Variants in CDH2 observed in about 807,000 individuals in gnomAD.
CDH2 encodes the protein cadherin-2.
Under a neutral mutation model 92.0 loss-of-function variants are expected in CDH2, and 17 were observed. The observed-to-expected ratio is 0.18, with a 90% confidence interval of 0.13 to 0.28. The LOEUF (loss-of-function observed/expected upper bound fraction) is 0.28. CDH2 is among the 10% of genes least tolerant of loss of function. The pLI is 1.00. For missense variants in CDH2, 862 were observed against 1,133.1 expected, an observed-to-expected ratio of 0.76 and a Z score of 3.44; for synonymous variants, 419 against 415.9, an observed-to-expected ratio of 1.01 and a Z score of -0.09.
intron 2 of CDH2, among the ~76,000 whole-genome samples, chr18:28,124,579 T>C (rs990081435): frequency 2.0e-5 from 3 of 152,204 alleles, no homozygotes; most frequent in African/African-American, 4.8e-5. Context: ...CACCTAGTCT[T>C]TCACATTCAA....
At position 28,036,606 on chromosome 18, in the gene CDH2, G is replaced by A. The variant is rs192666275; in HGVS notation, c.173-22697C>T. 5.4e-4 allele frequency: 637 copies of A among 1,189,998 alleles called. 1 individual carries two copies. Among genetic ancestry groups the A allele is most frequent in the Non-Finnish European group, 6.9e-4 (559 of 814,530 alleles). The allele number at this position is 1,189,998 out of a possible 1,614,324, so 73.7% of individuals were successfully genotyped here. The stretch of plus-strand genomic sequence containing the variant: ...TGCTTAGTGAACAAAGTCATAATAG[G>A]TATGTCAGAATGAAAGCAGGGATAA... On this transcript the variant is annotated intron_variant, in intron 2 of 15. Coordinates refer to ENST00000269141, the MANE Select transcript of CDH2 (RefSeq NM_001792.5).
intron 14 of CDH2, among the ~76,000 whole-genome samples, chr18:27,969,160 C>G (rs2011598669): frequency 6.6e-6 from 1 of 152,170 alleles, no homozygotes; most frequent in African/African-American, 2.4e-5. Flanking sequence ...ATCACAGCCC[C>G]CCCACCAACA....
intron 1 of CDH2, among the ~76,000 whole-genome samples, chr18:28,161,542 T>C (rs1012621307): frequency 1.4e-4 from 20 of 139,694 alleles, no homozygotes; most frequent in African/African-American, 5.2e-4. Flanking sequence ...ACTGCATCAC[T>C]GCACTCCAGC....
At chr18:28,093,204 C>T (rs1322638443) in intron 2 of CDH2, among the ~76,000 whole-genome samples, 1 of 152,074 alleles carries the variant, frequency 6.6e-6, no homozygotes, top group Non-Finnish European at 1.5e-5. Flanking sequence ...TATAGCTATA[C>T]AGATAGATGG....
rs143974788 is a variant in CDH2 at position 28,038,853 on chromosome 18, G to A, written c.173-24944C>T. Reference sequence around the variant, plus strand: ...TAATTTGCTACCACCTTTTTCAAACGTAAAACTCACAAAACTAAATTTTTT... The same window carrying A: ...TAATTTGCTACCACCTTTTTCAAACATAAAACTCACAAAACTAAATTTTTT... On this transcript the variant is annotated intron_variant, in intron 2 of 15. Transcript: ENST00000269141. Among the ~76,000 whole-genome samples, 1,165 of 151,990 alleles carry A rather than the reference G, an allele frequency of 7.7e-3. 4 individuals are homozygous for A. The highest frequency in any genetic ancestry group is 0.012 in the Non-Finnish European group (847 of 67,978).
At chr18:27,970,277 C>T (rs759980428) in intron 14 of CDH2, among the ~76,000 whole-genome samples, 70 of 152,004 alleles carry the variant, frequency 4.6e-4, no homozygotes, top group African/African-American at 1.6e-3. Flanking sequence ...AAAGTATAGC[C>T]ATCTAAATGC....
intron 2 of CDH2, among the ~76,000 whole-genome samples, chr18:28,092,821 C>T (rs1462985483): frequency 6.6e-6 from 1 of 152,096 alleles, no homozygotes; most frequent in Non-Finnish European, 1.5e-5. Context: ...CCTATTTTAA[C>T]AGTGAGGGAT....
At chr18:28,166,736 T>TA (rs2016391323) in intron 1 of CDH2, among the ~76,000 whole-genome samples, 1 of 152,128 alleles carries the variant, frequency 6.6e-6, no homozygotes, top group South Asian at 2.1e-4. Context: ...ATAAATAAAT[T>TA]AGAGAAGCTT....
intron 1 of CDH2, among the ~76,000 whole-genome samples, chr18:28,149,637 A>G (rs1451003107): frequency 6.6e-6 from 1 of 152,214 alleles, no homozygotes; most frequent in Non-Finnish European, 1.5e-5. Context: ...TTGAACACAT[A>G]CTTATGTAAG....
At chr18:28,130,623 G>A (rs550528647) in intron 2 of CDH2, among the ~76,000 whole-genome samples, 3 of 152,314 alleles carry the variant, frequency 2.0e-5, no homozygotes, top group African/African-American at 7.2e-5. Context: ...AAAATGGAGC[G>A]CATCCAGATG....
chr18:27,984,033 A>G (rs965275408), intron 13 of CDH2, among the ~76,000 whole-genome samples: 14 of 152,210 alleles, frequency 9.2e-5, no homozygotes, highest in Non-Finnish European at 1.3e-4. Context: ...CTCATTTGCT[A>G]TTGTTCCAGG....
At chr18:27,999,367 A>G (rs1692769707) in intron 7 of CDH2, among the ~76,000 whole-genome samples, 1 of 152,172 alleles carries the variant, frequency 6.6e-6, no homozygotes, top group Admixed American at 6.5e-5. Flanking sequence ...GTGGAGACCC[A>G]GCAGGTTTGT....
intron 1 of CDH2, among the ~76,000 whole-genome samples, chr18:28,175,456 C>T (rs1432427386): frequency 6.6e-6 from 1 of 152,160 alleles, no homozygotes; most frequent in Non-Finnish European, 1.5e-5. Flanking sequence ...GAGCACGACC[C>T]GGGAGGAGAG....
At chr18:27,935,262 G>A (rs1048531905) in intron 6 of CDH2, among the ~76,000 whole-genome samples, 1 of 152,148 alleles carries the variant, frequency 6.6e-6, no homozygotes, top group Non-Finnish European at 1.5e-5. Flanking sequence ...TCTGCTTCTG[G>A]GGAGGCCTCA....
At chr18:28,079,240 C>G (rs865989529) in intron 2 of CDH2, among the ~76,000 whole-genome samples, 125 of 152,270 alleles carry the variant, frequency 8.2e-4, no homozygotes, top group African/African-American at 2.6e-3. Context: ...TCTCATCCTC[C>G]CTTCAGATTA....
intron 2 of CDH2, among the ~76,000 whole-genome samples, chr18:28,142,745 A>C (rs1248293883): frequency 1.3e-5 from 2 of 152,032 alleles, no homozygotes; most frequent in African/African-American, 2.4e-5. Context: ...GGCTTTATTA[A>C]CAAGATGTTT....
intron 2 of CDH2, among the ~76,000 whole-genome samples, chr18:28,075,401 T>C (rs1161792609): frequency 1.3e-5 from 2 of 152,150 alleles, no homozygotes; most frequent in East Asian, 3.9e-4. Context: ...CTCATCCTTC[T>C]ATTTCCAGGG....
At chr18:28,001,004 T>A (rs1469839280) in intron 7 of CDH2, among the ~76,000 whole-genome samples, 2 of 152,186 alleles carry the variant, frequency 1.3e-5, no homozygotes, top group Non-Finnish European at 2.9e-5. Context: ...ATTTTTTCTA[T>A]GTTAAATGAC....
chr18:28,092,877 C>T (rs770675441), intron 2 of CDH2, among the ~76,000 whole-genome samples: 2 of 152,126 alleles, frequency 1.3e-5, no homozygotes, highest in Non-Finnish European at 2.9e-5. Flanking sequence ...ATGGAATCCA[C>T]CAATATTCCA....
Sources: gnomAD v4.1 joint callset for allele counts (sites outside exome capture counted in the v4.1 genomes callset) on GRCh38, gnomAD v4.1.1 for gene constraint, MANE v1.5 for transcripts, NCBI Gene and HGNC (gene_info 2026-07-23, HGNC 2026-07-21) for gene names.